PARN: variants seen among roughly 807,000 people sequenced by gnomAD.
PARN encodes poly(A)-specific ribonuclease PARN.
PARN carries 71 observed loss-of-function variants against 102.8 expected under a neutral mutation model. That is an observed-to-expected ratio of 0.69 (90% CI 0.57 to 0.84). The LOEUF is 0.84. Ranked by LOEUF, PARN falls within the 40% of genes least tolerant of loss-of-function variation. The pLI, the probability that PARN is intolerant of heterozygous loss-of-function variation, is 0.00. For synonymous variants in PARN, 261 were observed against 252.9 expected, an observed-to-expected ratio of 1.03 and a Z score of -0.30; for missense variants, 782 against 760.9, an observed-to-expected ratio of 1.03 and a Z score of -0.33.
chr16:14,553,979 C>T, intron 20 of PARN, 86 bp downstream of exon 20: 1 of 789,710 alleles, frequency 1.3e-6, no homozygotes, highest in Non-Finnish European at 2.1e-6. Flanking sequence ...CTTTTATACG[C>T]AGGCCAAAAC....
chr16:14,595,187 C>G (rs777918431), intron 12 of PARN, among the ~76,000 whole-genome samples: 1 of 152,086 alleles, frequency 6.6e-6, no homozygotes. Context: ...ATGTGTATAC[C>G]GGGTTTAAAC....
chr16:14,475,443 C>G (rs2151589013), intron 22 of PARN, among the ~76,000 whole-genome samples: 1 of 152,312 alleles, frequency 6.6e-6, no homozygotes, highest in Non-Finnish European at 1.5e-5. Context: ...CCAAATCTTC[C>G]TCCCTCTCAA....
At chr16:14,445,828 T>C (rs770399747) in intron 23 of PARN, among the ~76,000 whole-genome samples, 2 of 152,218 alleles carry the variant, frequency 1.3e-5, no homozygotes, top group Non-Finnish European at 2.9e-5. Flanking sequence ...CCTCCCAAAG[T>C]GCTCGGATTA....
intron 5 of PARN, among the ~76,000 whole-genome samples, chr16:14,619,380 G>A (rs981093754): frequency 4.6e-5 from 7 of 150,590 alleles, no homozygotes; most frequent in Admixed American, 6.6e-5. Context: ...TGGTTGCATC[G>A]CTGGAGCCCA....
intron 20 of PARN, among the ~76,000 whole-genome samples, chr16:14,553,829 G>C (rs1167176407): frequency 6.6e-6 from 1 of 152,070 alleles, no homozygotes; most frequent in South Asian, 2.1e-4. Flanking sequence ...TCCTCATCAC[G>C]GTGTTTTGCT....
chr16:14,515,777 T>TC (rs1483868872), intron 21 of PARN, among the ~76,000 whole-genome samples: 4 of 151,980 alleles, frequency 2.6e-5, no homozygotes, highest in Non-Finnish European at 5.9e-5. Context: ...GTCTTAATTT[T>TC]TTTTTTTTTT....
chr16:14,469,222 G>A (rs1266551726), intron 22 of PARN, among the ~76,000 whole-genome samples: 2 of 152,110 alleles, frequency 1.3e-5, no homozygotes, highest in South Asian at 2.1e-4. Context: ...GCTTGAACCC[G>A]GGAGGCGGAG....
intron 22 of PARN, 100 bp downstream of exon 22, chr16:14,482,538 T>C (rs1322414874): frequency 3.0e-5 from 27 of 905,396 alleles, no homozygotes; most frequent in Non-Finnish European, 3.9e-5. Context: ...AGGCCATCTT[T>C]CCCAAAAGTC....
At chr16:14,503,741 T>C (rs569838382) in intron 21 of PARN, among the ~76,000 whole-genome samples, 2 of 152,354 alleles carry the variant, frequency 1.3e-5, no homozygotes, top group Non-Finnish European at 2.9e-5. Context: ...TCACAGGTAG[T>C]ACACGCTGCC....
chr16:14,629,808 G>C, intron 1 of PARN, 134 bp from the exon 2 acceptor site: 2 of 725,188 alleles, frequency 2.8e-6, no homozygotes, highest in Non-Finnish European at 4.8e-6. Flanking sequence ...ACCGGGGCGA[G>C]GGGAATCAAG....
intron 21 of PARN, among the ~76,000 whole-genome samples, chr16:14,528,033 A>G (rs1352761247): frequency 6.6e-6 from 1 of 152,248 alleles, no homozygotes; most frequent in African/African-American, 2.4e-5. Context: ...GTTACAAAAA[A>G]TTGAATATCT....
chr16:14,555,058 G>A (rs753622004), intron 19 of PARN, among the ~76,000 whole-genome samples: 17 of 152,150 alleles, frequency 1.1e-4, no homozygotes, highest in South Asian at 2.1e-4. Flanking sequence ...CTAATGTGGA[G>A]GGCAACACAA....
intron 21 of PARN, among the ~76,000 whole-genome samples, chr16:14,542,250 C>T (rs1285318910): frequency 1.3e-5 from 2 of 152,060 alleles, no homozygotes; most frequent in Admixed American, 6.6e-5. Flanking sequence ...CAGTAATCTT[C>T]CCTCCTTTGC....
At chr16:14,536,087 T>C (rs1966594960) in intron 21 of PARN, among the ~76,000 whole-genome samples, 1 of 152,154 alleles carries the variant, frequency 6.6e-6, no homozygotes. Flanking sequence ...GAAGAAAACA[T>C]AAGAACATAA....
At chr16:14,593,183 C>A in intron 13 of PARN, 118 bp downstream of exon 13, 1 of 609,284 alleles carries the variant, frequency 1.6e-6, no homozygotes, top group Admixed American at 3.0e-5. Context: ...TGGGAACATG[C>A]TGCATACAAG....
chr16:14,481,997 G>A (rs1231480392), intron 22 of PARN, among the ~76,000 whole-genome samples: 2 of 152,174 alleles, frequency 1.3e-5, no homozygotes, highest in Non-Finnish European at 2.9e-5. Context: ...GTACTGAGAA[G>A]AGCAAGGGAT....
chr16:14,467,015 C>A (rs1307610376), intron 22 of PARN, among the ~76,000 whole-genome samples: 1 of 152,190 alleles, frequency 6.6e-6, no homozygotes, highest in Non-Finnish European at 1.5e-5. Flanking sequence ...CTACTCCTCT[C>A]TCCTCTCCGC....
At chr16:14,501,458 A>AC (rs1964604986) in intron 21 of PARN, 2 of 144,234 alleles carry the variant, frequency 1.4e-5, no homozygotes, top group African/African-American at 5.0e-5. Context: ...AAAAAAAAAA[A>AC]AACAGAAAGA....
At chr16:14,464,006 T>C (rs766532700) in intron 22 of PARN, among the ~76,000 whole-genome samples, 1 of 152,030 alleles carries the variant, frequency 6.6e-6, no homozygotes, top group African/African-American at 2.4e-5. Context: ...GCTAATTTTT[T>C]TGTGTGTGTA....
Sources: allele counts gnomAD v4.1 joint callset (sites outside exome capture counted in the v4.1 genomes callset), GRCh38; gene constraint gnomAD v4.1.1; transcripts MANE v1.5; gene names NCBI Gene and HGNC (gene_info 2026-07-23, HGNC 2026-07-21).